The following BRINP1 variants were observed in gnomAD, a reference collection of about 807,000 sequenced individuals.
BRINP1 encodes BMP/retinoic acid inducible neural specific 1.
BRINP1 carries 17 observed loss-of-function variants against 72.9 expected under a neutral mutation model. The observed-to-expected ratio is 0.23, with a 90% confidence interval of 0.16 to 0.35. The LOEUF is 0.35. Ranked by LOEUF, BRINP1 falls within the 10% of genes least tolerant of loss-of-function variation. The pLI is 1.00. For synonymous variants in BRINP1, 418 were observed against 378.5 expected (o/e 1.10, Z -1.21); for missense variants, 850 against 1,001.6 (o/e 0.85, Z 2.04).
intron 3 of BRINP1, among the ~76,000 whole-genome samples, chr9:119,246,497 C>T (rs1564227533): frequency 6.6e-6 from 1 of 152,224 alleles, no homozygotes; most frequent in Non-Finnish European, 1.5e-5. Flanking sequence ...CCTTGCTCCT[C>T]AGCTTGCAGA....
At chr9:119,345,567 C>T (rs533904168) in intron 1 of BRINP1, among the ~76,000 whole-genome samples, 1 of 152,278 alleles carries the variant, frequency 6.6e-6, no homozygotes, top group East Asian at 1.9e-4. Flanking sequence ...CTTTAAGGTT[C>T]CATTTCATGG....
rs781329528 is a variant in BRINP1 at position 119,208,882 on chromosome 9, T to C, written c.982A>G (p.Ile328Val). 2.8e-5 allele frequency: 46 copies of C among 1,614,052 alleles called. No individual in the cohort carries two copies. Among genetic ancestry groups the C allele is most frequent in the Non-Finnish European group, 3.8e-5 (45 of 1,180,038 alleles). Residue 328 changes from isoleucine (I) to valine (V), a missense_variant, in exon 7 of 8, where the codon ATC becomes GTC. Ile to Val is a conservative substitution (Grantham distance 29). Coordinates refer to ENST00000265922, the MANE Select transcript of BRINP1 (RefSeq NM_014618.3). Reference protein sequence around the residue: ...PSNHFLTIGSIHQHWGNDWDL... With the variant: ...PSNHFLTIGSVHQHWGNDWDL... Reference sequence around the variant, plus strand: ...CAGTCATTGCCCCAGTGCTGATGGATGCTTCCGATGGTCAGGAAGTGGTTG... The same window carrying C: ...CAGTCATTGCCCCAGTGCTGATGGACGCTTCCGATGGTCAGGAAGTGGTTG...
In BRINP1 at chr9:119,369,043, G is replaced by T; in HGVS notation, c.-51+13C>A. On this transcript the variant is annotated intron_variant, in intron 1 of 7. Coordinates refer to ENST00000265922, the MANE Select transcript of BRINP1 (RefSeq NM_014618.3). The stretch of plus-strand genomic sequence containing the variant: ...AGCGGGGCTGCGGGGCGCTGCACCC[G>T]GCGCCGCCTTACCTGGAGTCAATGT... 1 of 395,150 alleles carries T rather than the reference G, an allele frequency of 2.5e-6. No homozygotes were observed. Among genetic ancestry groups the T allele is most frequent in the East Asian group, 3.6e-5 (1 of 27,918 alleles). 24.5% of individuals were successfully genotyped at this position (395,150 alleles called of 1,614,324 possible).
intron 7 of BRINP1, among the ~76,000 whole-genome samples, chr9:119,179,332 G>A (rs188254491): frequency 7.1e-4 from 108 of 152,316 alleles, no homozygotes; most frequent in African/African-American, 2.5e-3. Flanking sequence ...AATTCATTCT[G>A]ATAGGGGGCT....
intron 2 of BRINP1, among the ~76,000 whole-genome samples, chr9:119,266,894 T>C (rs1830553799): frequency 1.3e-5 from 2 of 152,218 alleles, no homozygotes; most frequent in African/African-American, 2.4e-5. Context: ...GAAAAGCCAC[T>C]ATAGAGGTTT....
At chr9:119,297,309 A>C (rs1246707733) in intron 2 of BRINP1, among the ~76,000 whole-genome samples, 1 of 152,218 alleles carries the variant, frequency 6.6e-6, no homozygotes, top group African/African-American at 2.4e-5. Flanking sequence ...TGTTGAGGAC[A>C]GAGGAGGACA....
At chr9:119,260,855 A>G (rs999949632) in intron 2 of BRINP1, among the ~76,000 whole-genome samples, 1 of 152,202 alleles carries the variant, frequency 6.6e-6, no homozygotes, top group South Asian at 2.1e-4. Context: ...GTATTCTTAG[A>G]GATATTTGAT....
At chr9:119,287,229 G>A (rs1359324954) in intron 2 of BRINP1, among the ~76,000 whole-genome samples, 1 of 152,160 alleles carries the variant, frequency 6.6e-6, no homozygotes, top group African/African-American at 2.4e-5. Context: ...GAGAGACCTG[G>A]TTCCAAGGAA....
intron 6 of BRINP1, 145 bp downstream of exon 6, chr9:119,213,774 T>A (rs923848372): frequency 1.4e-6 from 1 of 699,958 alleles, no homozygotes; most frequent in Non-Finnish European, 2.5e-6. Context: ...GTGACAGCTA[T>A]TATACTTGCA....
chr9:119,367,857 T>TCTCTCC (rs1831711876), intron 1 of BRINP1, among the ~76,000 whole-genome samples: 2 of 152,134 alleles, frequency 1.3e-5, no homozygotes, highest in African/African-American at 4.8e-5. Flanking sequence ...TTGCTCTCTC[T>TCTCTCC]CTCTCCCTCT....
At chr9:119,255,041 C>T (rs925454155) in intron 2 of BRINP1, among the ~76,000 whole-genome samples, 1 of 152,198 alleles carries the variant, frequency 6.6e-6, no homozygotes, top group Non-Finnish European at 1.5e-5. Flanking sequence ...AGGCTCATGA[C>T]TTCAAGTGCA....
At chr9:119,171,176 C>T (rs913179364) in intron 7 of BRINP1, among the ~76,000 whole-genome samples, 3 of 150,024 alleles carry the variant, frequency 2.0e-5, no homozygotes, top group Non-Finnish European at 4.5e-5. Flanking sequence ...AATTAAAAGA[C>T]ACAGACTGGC....
chr9:119,349,565 T>C (rs542286172), intron 1 of BRINP1, among the ~76,000 whole-genome samples: 1 of 152,286 alleles, frequency 6.6e-6, no homozygotes, highest in East Asian at 1.9e-4. Flanking sequence ...TTAAAAGCCG[T>C]CTCAGTTAAA....
intron 1 of BRINP1, among the ~76,000 whole-genome samples, chr9:119,344,869 C>T (rs1305451645): frequency 6.6e-6 from 1 of 152,158 alleles, no homozygotes; most frequent in Non-Finnish European, 1.5e-5. Context: ...ACCCCATAAG[C>T]ACATAAAAAA....
chr9:119,208,683 G>C (rs753225759), intron 7 of BRINP1, 36 bp downstream of exon 7: 8 of 1,583,054 alleles, frequency 5.1e-6, no homozygotes, highest in Non-Finnish European at 6.9e-6. Flanking sequence ...ACGCCAGGTA[G>C]GTGCCTGCAG....
intron 5 of BRINP1, among the ~76,000 whole-genome samples, chr9:119,234,171 G>A (rs1736929729): frequency 6.6e-6 from 1 of 152,126 alleles, no homozygotes; most frequent in African/African-American, 2.4e-5. Flanking sequence ...CCAAGGACAC[G>A]TGCAGTCTTT....
At chr9:119,337,603 C>T (rs1032714324) in intron 1 of BRINP1, among the ~76,000 whole-genome samples, 3 of 152,234 alleles carry the variant, frequency 2.0e-5, no homozygotes, top group East Asian at 1.9e-4. Context: ...TCTCCCTTAA[C>T]TACATCTAAC....
chr9:119,221,082 G>A (rs768145722), intron 5 of BRINP1, among the ~76,000 whole-genome samples: 14 of 152,036 alleles, frequency 9.2e-5, no homozygotes, highest in Non-Finnish European at 1.6e-4. Context: ...CAGTGCCAAG[G>A]GAAGAAGGAA....
At chr9:119,281,552 A>G (rs1830712413) in intron 2 of BRINP1, among the ~76,000 whole-genome samples, 2 of 152,324 alleles carry the variant, frequency 1.3e-5, no homozygotes, top group Admixed American at 1.3e-4. Context: ...AGGATTCTCT[A>G]TGGGCGAGTG....
Sources: allele counts gnomAD v4.1 joint callset (sites outside exome capture counted in the v4.1 genomes callset), GRCh38; gene constraint gnomAD v4.1.1; transcripts MANE v1.5; gene names NCBI Gene and HGNC (gene_info 2026-07-23, HGNC 2026-07-21).